Variants in PRELID2 observed in about 807,000 individuals in gnomAD.
The protein encoded by PRELID2 is PRELI domain-containing protein 2.
Under a neutral mutation model 28.4 loss-of-function variants are expected in PRELID2, and 25 were observed. That is an observed-to-expected ratio of 0.88 (90% CI 0.64 to 1.23). PRELID2 has a LOEUF of 1.23. Among genes scored for constraint, PRELID2 ranks in the 50% most tolerant of loss-of-function variants. PRELID2 has a pLI of 0.00. For missense variants in PRELID2, 201 were observed against 214.4 expected (o/e 0.94, Z 0.39); for synonymous variants, 76 against 71.6 (o/e 1.06, Z -0.31).
chr5:145,350,608 A>G, the PRELID2 span, among the ~76,000 whole-genome samples: 1 of 152,126 alleles, frequency 6.6e-6, no homozygotes, highest in African/African-American at 2.4e-5. Context: ...GATTCACTCT[A>G]ATTTTTCATA....
chr5:145,252,116 G>A, the PRELID2 span, among the ~76,000 whole-genome samples: 8 of 152,126 alleles, frequency 5.3e-5, no homozygotes, highest in South Asian at 1.7e-3. Flanking sequence ...AGAAACATTG[G>A]CATCACCTGG....
chr5:145,644,616 A>G (rs1046987572), intron 1 of PRELID2, among the ~76,000 whole-genome samples: 2 of 152,076 alleles, frequency 1.3e-5, no homozygotes, highest in Non-Finnish European at 2.9e-5. Flanking sequence ...TAGGGCGTCA[A>G]TTTTAGTTCT....
At chr5:145,382,550 A>G in the PRELID2 span, among the ~76,000 whole-genome samples, 2 of 152,086 alleles carry the variant, frequency 1.3e-5, no homozygotes, top group Admixed American at 6.5e-5. Context: ...AATAGAGTCA[A>G]GAAGGCAATA....
chr5:145,357,915 T>A, the PRELID2 span, among the ~76,000 whole-genome samples: 3 of 151,966 alleles, frequency 2.0e-5, no homozygotes, highest in Non-Finnish European at 4.4e-5. Flanking sequence ...CCTTGGATTT[T>A]TTTTTTTTTT....
chr5:145,532,837 T>C (rs1443639370), intron 1 of PRELID2, among the ~76,000 whole-genome samples: 2 of 152,162 alleles, frequency 1.3e-5, no homozygotes, highest in African/African-American at 2.4e-5. Flanking sequence ...TGTGTATATA[T>C]GACATTTTCT....
intron 5 of PRELID2, among the ~76,000 whole-genome samples, chr5:145,782,293 G>T (rs1751688383): frequency 6.6e-6 from 1 of 152,158 alleles, no homozygotes. Flanking sequence ...TGAGAGGATG[G>T]GCTCTGAGGT....
In PRELID2 at chr5:145,835,184, A is replaced by G; in HGVS notation, c.68T>C (p.Leu23Pro). The G allele has an allele frequency of 6.5e-7, 1 of 1,548,334 alleles. No homozygotes were observed. Among genetic ancestry groups the G allele is most frequent in the Non-Finnish European group, 8.7e-7 (1 of 1,144,888 alleles). The change falls in exon 1 of 7, where the codon CTC becomes CCC. Residue 23 changes from leucine (L) to proline (P), a missense_variant. Leu to Pro is a moderately conservative substitution (Grantham distance 98, BLOSUM62 -3). Transcript: ENST00000683046. ...YPFEQVVASFLRKYPNPMDKN... is the reference protein window; with the variant it reads ...YPFEQVVASFPRKYPNPMDKN... ...GTGGAAGCGGGGCGGTACCTTTCGG[A>G]GAAAGCTGGCGACCACCTGCTCGAA...
At chr5:145,555,827 A>T (rs1215187496) in intron 1 of PRELID2, among the ~76,000 whole-genome samples, 1 of 152,130 alleles carries the variant, frequency 6.6e-6, no homozygotes. Context: ...AGTTCCTGAT[A>T]ACTTTCTAGT....
intron 1 of PRELID2, among the ~76,000 whole-genome samples, chr5:145,493,206 CCACCA>C (rs1372155966): frequency 4.2e-5 from 4 of 95,774 alleles, no homozygotes; most frequent in Admixed American, 1.1e-4. Flanking sequence ...GAGTTCTACT[CCACCA>C]TCTTGCTCCC....
chr5:145,666,864 T>G (rs1754605478), intron 1 of PRELID2, among the ~76,000 whole-genome samples: 1 of 152,102 alleles, frequency 6.6e-6, no homozygotes, highest in Non-Finnish European at 1.5e-5. Flanking sequence ...ATCCCAGTTT[T>G]TGTGTTTATT....
chr5:145,604,891 ATATATATATATATTCTATTGAAT>A (rs1753477609), intron 1 of PRELID2, among the ~76,000 whole-genome samples: 1 of 141,674 alleles, frequency 7.1e-6, no homozygotes, highest in African/African-American at 2.7e-5. Context: ...CCATATATAT[ATATATATATATATTCTATTGAAT>A]TATATATATA....
intron 1 of PRELID2, among the ~76,000 whole-genome samples, chr5:145,518,917 T>C (rs1170494260): frequency 2.0e-5 from 3 of 152,226 alleles, no homozygotes; most frequent in Non-Finnish European, 4.4e-5. Flanking sequence ...ACTTGCTCTA[T>C]GGTAAACTCA....
At chr5:145,481,442 C>T (rs1229342823) in intron 1 of PRELID2, among the ~76,000 whole-genome samples, 1 of 151,462 alleles carries the variant, frequency 6.6e-6, no homozygotes, top group Admixed American at 6.6e-5. Flanking sequence ...AAAAGGTCTT[C>T]AATTTTTTTC....
At chr5:145,520,434 C>T (rs1407310151) in intron 1 of PRELID2, among the ~76,000 whole-genome samples, 1 of 152,192 alleles carries the variant, frequency 6.6e-6, no homozygotes, top group African/African-American at 2.4e-5. Flanking sequence ...CACCTCTCTC[C>T]CCTTCCCACG....
chr5:145,817,421 T>TTATATATTTATATA (rs1554099441), intron 4 of PRELID2, among the ~76,000 whole-genome samples: 6 of 103,606 alleles, frequency 5.8e-5, no homozygotes, highest in African/African-American at 2.0e-4. Context: ...TAAGCTAGTT[T>TTATATATTTATATA]TATATATATA....
the PRELID2 span, among the ~76,000 whole-genome samples, chr5:145,364,639 A>T: frequency 2.6e-5 from 4 of 152,058 alleles, no homozygotes; most frequent in Non-Finnish European, 1.5e-5. Context: ...TACAACAGAA[A>T]GACATTAGAT....
chr5:145,316,175 T>C, the PRELID2 span, among the ~76,000 whole-genome samples: 3 of 152,246 alleles, frequency 2.0e-5, no homozygotes, highest in Non-Finnish European at 2.9e-5. Context: ...GTTGGTTTCT[T>C]GGTCTTTTGG....
chr5:145,627,097 CAAAAAAAAAAAA>C (rs745309247), intron 1 of PRELID2, among the ~76,000 whole-genome samples: 6 of 41,818 alleles, frequency 1.4e-4, no homozygotes, highest in Admixed American at 7.4e-4. Context: ...AAGACTCTCC[CAAAAAAAAAAAA>C]AAAAAAAAAA....
chr5:145,240,241 T>TA, the PRELID2 span, among the ~76,000 whole-genome samples: 8,307 of 152,064 alleles, frequency 0.055, 401 homozygotes, highest in African/African-American at 0.13. Flanking sequence ...TTTATTGCTT[T>TA]CTTTTTTTCA....
Sources: gnomAD v4.1 joint callset for allele counts (sites outside exome capture counted in the v4.1 genomes callset) on GRCh38, gnomAD v4.1.1 for gene constraint, MANE v1.5 for transcripts, NCBI Gene and HGNC (gene_info 2026-07-23, HGNC 2026-07-21) for gene names.